The following PID1 variants were observed in gnomAD, a reference collection of about 807,000 sequenced individuals.
The protein encoded by PID1 is phosphotyrosine interaction domain containing 1, also known as PTB-containing, cubilin and LRP1-interacting protein.
A neutral mutation model predicts 19.1 loss-of-function variants in PID1; 10 were observed. The ratio of observed to expected loss-of-function variants is 0.52; its 90% confidence interval spans 0.32 to 0.89. PID1 has a LOEUF of 0.89. Among genes scored for constraint, PID1 ranks in the 40% least tolerant of loss-of-function variants. The probability of loss-of-function intolerance (pLI) is 0.03; values close to 1 mark genes in which losing one functional copy is unlikely to be tolerated. For missense variants in PID1, 248 were observed against 285.3 expected (o/e 0.87, Z 0.94); for synonymous variants, 130 against 116.0 (o/e 1.12, Z -0.78).
intron 1 of PID1, among the ~76,000 whole-genome samples, chr2:229,181,495 C>A (rs1690945826): frequency 6.6e-6 from 1 of 152,152 alleles, no homozygotes; most frequent in African/African-American, 2.4e-5. Context: ...AGCTATCCAT[C>A]AGCAAATATC....
intron 1 of PID1, among the ~76,000 whole-genome samples, chr2:229,193,576 G>C (rs1421065930): frequency 6.6e-6 from 1 of 152,064 alleles, no homozygotes. Flanking sequence ...TAAAGACAAA[G>C]GACAATATTG....
In PID1 at chr2:229,244,341, G is replaced by A. The variant is rs555986946; in HGVS notation, c.30+26673C>T. Among the ~76,000 whole-genome samples the A allele has an allele frequency of 9.9e-5, 15 of 152,020 alleles. No individual in the cohort carries two copies. In the East Asian group the frequency reaches 2.1e-3, roughly 22 times the overall value. ...GAACCAAGTATCCCTGATTCTTATC[G>A]TCATCCAAACAACTGCAACCAGCTG... On this transcript the variant is annotated intron_variant, in intron 1 of 2. Transcript: ENST00000392055.
At chr2:229,069,766 G>A (rs1334786132) in intron 2 of PID1, among the ~76,000 whole-genome samples, 4 of 152,154 alleles carry the variant, frequency 2.6e-5, no homozygotes, top group Non-Finnish European at 5.9e-5. Context: ...TGTATTACAA[G>A]CTACCAGTGA....
At chr2:229,050,205 C>T (rs1009756436) in intron 2 of PID1, among the ~76,000 whole-genome samples, 3 of 152,094 alleles carry the variant, frequency 2.0e-5, no homozygotes, top group Admixed American at 2.0e-4. Flanking sequence ...ACAAAAGGCC[C>T]GCAGCTGTAT....
At chr2:229,048,780 A>C (rs1693933758) in intron 2 of PID1, among the ~76,000 whole-genome samples, 2 of 152,190 alleles carry the variant, frequency 1.3e-5, no homozygotes, top group South Asian at 4.1e-4. Context: ...AATGTATTAA[A>C]GTTTCCCAGA....
At chr2:229,141,390 AG>A (rs1690007966) in intron 2 of PID1, among the ~76,000 whole-genome samples, 1 of 152,112 alleles carries the variant, frequency 6.6e-6, no homozygotes, top group South Asian at 2.1e-4. Context: ...GAGAATAAAG[AG>A]GGGAGAACAG....
rs372023388 is a variant in PID1 at position 229,236,949 on chromosome 2, G to A, written c.30+34065C>T. 5.4e-5 allele frequency among the ~76,000 whole-genome samples: 8 copies of A among 148,846 alleles called. No homozygotes were observed. In the East Asian group the frequency reaches 8.0e-4, roughly 15 times the overall value. ...CTACAACATCAGGGTAGTGTGTCCCGCAAAGCCTAGCATGCGGCCTTCTCC... is the reference window on the plus strand; with the variant it reads ...CTACAACATCAGGGTAGTGTGTCCCACAAAGCCTAGCATGCGGCCTTCTCC... On this transcript the variant is annotated intron_variant, in intron 1 of 2. Coordinates refer to ENST00000392055, the MANE Select transcript of PID1 (RefSeq NM_001100818.2).
intron 2 of PID1, among the ~76,000 whole-genome samples, chr2:229,100,406 T>C (rs1231479820): frequency 6.6e-6 from 1 of 152,178 alleles, no homozygotes; most frequent in Non-Finnish European, 1.5e-5. Context: ...ATGAAACTAT[T>C]AGAAAAACTA....
chr2:229,210,361 G>A (rs1368451080), intron 1 of PID1, among the ~76,000 whole-genome samples: 1 of 150,550 alleles, frequency 6.6e-6, no homozygotes, highest in Non-Finnish European at 1.5e-5. Flanking sequence ...AAATACAAAA[G>A]AATTAGCTGG....
chr2:229,129,170 C>CA (rs1689660593), intron 2 of PID1, among the ~76,000 whole-genome samples: 1 of 152,194 alleles, frequency 6.6e-6, no homozygotes, highest in Non-Finnish European at 1.5e-5. Context: ...CCGCTGTCTC[C>CA]AAAGCCTACC....
intron 1 of PID1, among the ~76,000 whole-genome samples, chr2:229,178,705 A>G (rs1690877126): frequency 6.6e-6 from 1 of 152,194 alleles, no homozygotes; most frequent in East Asian, 1.9e-4. Flanking sequence ...AATGACCCAT[A>G]TTGAAATTAA....
intron 2 of PID1, among the ~76,000 whole-genome samples, chr2:229,087,245 G>A (rs972695984): frequency 2.6e-5 from 4 of 152,106 alleles, no homozygotes; most frequent in Non-Finnish European, 4.4e-5. Flanking sequence ...TCTAGAGCAC[G>A]CATACATTTT....
At chr2:229,214,203 G>A (rs1350798285) in intron 1 of PID1, among the ~76,000 whole-genome samples, 1 of 152,194 alleles carries the variant, frequency 6.6e-6, no homozygotes, top group Non-Finnish European at 1.5e-5. Context: ...GTGTGGAACA[G>A]AGGCTGAGAA....
At chr2:229,214,129 T>G (rs2106251966) in intron 1 of PID1, among the ~76,000 whole-genome samples, 1 of 152,312 alleles carries the variant, frequency 6.6e-6, no homozygotes. Flanking sequence ...GTAGTGTTTG[T>G]TAGGTAGCAT....
chr2:229,028,440 G>A (rs371837150), intron 2 of PID1, among the ~76,000 whole-genome samples: 27 of 152,284 alleles, frequency 1.8e-4, no homozygotes, highest in African/African-American at 5.5e-4. Flanking sequence ...TGGTGTTTAC[G>A]CACCAAATAA....
intron 1 of PID1, among the ~76,000 whole-genome samples, chr2:229,259,097 G>A (rs1690388397): frequency 6.8e-6 from 1 of 146,430 alleles, no homozygotes; most frequent in African/African-American, 2.5e-5. Context: ...ACTGTGTAGT[G>A]ATACCTCATT....
intron 2 of PID1, among the ~76,000 whole-genome samples, chr2:229,091,303 C>T (rs1429782464): frequency 2.0e-5 from 3 of 149,802 alleles, no homozygotes; most frequent in Non-Finnish European, 4.4e-5. Flanking sequence ...TTTAGACAGA[C>T]ACAAATAAGT....
intron 1 of PID1, among the ~76,000 whole-genome samples, chr2:229,168,673 G>A (rs1350504692): frequency 6.6e-6 from 1 of 152,098 alleles, no homozygotes; most frequent in Non-Finnish European, 1.5e-5. Flanking sequence ...AGTCTACTCA[G>A]AGTCTGGTTC....
chr2:229,059,361 G>A (rs1472073789), intron 2 of PID1, among the ~76,000 whole-genome samples: 2 of 152,220 alleles, frequency 1.3e-5, no homozygotes, highest in African/African-American at 2.4e-5. Context: ...GTATATCTTA[G>A]CTCTCACTCA....
Sources: gnomAD v4.1 joint callset for allele counts (sites outside exome capture counted in the v4.1 genomes callset) on GRCh38, gnomAD v4.1.1 for gene constraint, MANE v1.5 for transcripts, NCBI Gene and HGNC (gene_info 2026-07-23, HGNC 2026-07-21) for gene names.